Variants in LIN7A observed in about 807,000 individuals in gnomAD.
The protein encoded by LIN7A is lin-7 cell polarity scaffold A.
Under a neutral mutation model 29.8 loss-of-function variants are expected in LIN7A, and 25 were observed. The ratio of observed to expected loss-of-function variants is 0.84; its 90% CI spans 0.61 to 1.17. The LOEUF is 1.17. LIN7A is among the 50% of genes most tolerant of loss of function. LIN7A has a pLI of 0.00. For missense variants in LIN7A, 239 were observed against 287.0 expected (o/e 0.83, Z 1.21); for synonymous variants, 118 against 107.5 (o/e 1.10, Z -0.60).
chr12:80,879,645 CAAAAAAAAAAAAAA>C (rs530877505), intron 2 of LIN7A, among the ~76,000 whole-genome samples: 5 of 58,744 alleles, frequency 8.5e-5, no homozygotes, highest in Admixed American at 8.5e-4. Context: ...TGGAGCAGCC[CAAAAAAAAAAAAAA>C]AAAAAAAAAA....
Position 80,792,531 on chromosome 12 carries a change from A to C in LIN7A, c.*5196T>G, listed in dbSNP as rs953080744. On this transcript the variant is annotated 3_prime_UTR_variant, in exon 6 of 6. Coordinates refer to ENST00000552864, the MANE Select transcript of LIN7A (RefSeq NM_004664.4). ...AACAATACTTCCAGTTTGGTGTCTAATACTTTTACTTCCCAGCAGCATAAT... is the reference window on the plus strand; with the variant it reads ...AACAATACTTCCAGTTTGGTGTCTACTACTTTTACTTCCCAGCAGCATAAT... 3.9e-5 allele frequency: 6 copies of C among 152,188 alleles called. No homozygotes were observed. Among genetic ancestry groups the C allele is most frequent in the Non-Finnish European group, 8.8e-5 (6 of 68,044 alleles). 9.4% of individuals were successfully genotyped at this position (152,188 alleles called of 1,614,324 possible).
intron 2 of LIN7A, among the ~76,000 whole-genome samples, chr12:80,859,032 A>G (rs909244366): frequency 6.6e-6 from 1 of 152,196 alleles, no homozygotes; most frequent in Non-Finnish European, 1.5e-5. Context: ...AATTAAAATT[A>G]TTATAGCTAA....
intron 1 of LIN7A, among the ~76,000 whole-genome samples, chr12:80,919,055 A>G (rs1036289930): frequency 1.3e-5 from 2 of 152,222 alleles, no homozygotes; most frequent in Admixed American, 6.5e-5. Context: ...CTAGGTTTTT[A>G]TAAGTACACT....
intron 1 of LIN7A, among the ~76,000 whole-genome samples, chr12:80,933,261 C>T (rs1406301999): frequency 2.0e-5 from 3 of 152,128 alleles, no homozygotes; most frequent in Non-Finnish European, 4.4e-5. Context: ...AATTAAATTT[C>T]TACCCCAGGA....
intron 1 of LIN7A, among the ~76,000 whole-genome samples, chr12:80,912,249 G>T (rs966095577): frequency 6.6e-6 from 1 of 151,694 alleles, no homozygotes; most frequent in Middle Eastern, 3.4e-3. Context: ...AAAACACATT[G>T]TTTACCTGAA....
intron 1 of LIN7A, among the ~76,000 whole-genome samples, chr12:80,892,494 A>G (rs1388260341): frequency 1.3e-5 from 2 of 152,196 alleles, no homozygotes; most frequent in Admixed American, 6.5e-5. Context: ...ATTAGAGACT[A>G]CACTGGGTGA....
At chr12:80,933,508 T>C (rs1773681825) in intron 1 of LIN7A, among the ~76,000 whole-genome samples, 1 of 152,190 alleles carries the variant, frequency 6.6e-6, no homozygotes, top group Admixed American at 6.5e-5. Flanking sequence ...AAACAGGCCC[T>C]TCTCTGTTAT....
chr12:80,935,671 G>A, intron 1 of LIN7A: 1 of 369,858 alleles, frequency 2.7e-6, no homozygotes, highest in Non-Finnish European at 6.3e-6. Context: ...TTTATGCTCA[G>A]TGGTGATGCC....
In LIN7A at chr12:80,937,657, C is replaced by T; in HGVS notation, c.66G>A (p.Pro22=). Reference sequence around the variant, plus strand: ...CTCCCTTACCTCTGTCCAGGGTGAGCGGCTGGACCACTGTCAATGTCGCCA... The same window carrying T: ...CTCCCTTACCTCTGTCCAGGGTGAGTGGCTGGACCACTGTCAATGTCGCCA... ...ADMATLTVVQ[P]LTLDRDVARA... is the part of the protein sequence containing the mutation. Residue 22 remains proline, a synonymous_variant, in exon 1 of 6, where the codon CCG becomes CCA. Coordinates refer to ENST00000552864, the MANE Select transcript of LIN7A (RefSeq NM_004664.4). The T allele has an allele frequency of 6.4e-7, 1 of 1,562,584 alleles. No homozygotes were observed. The highest frequency in any genetic ancestry group is 8.7e-7 in the Non-Finnish European group (1 of 1,150,820).
At chr12:80,853,096 A>G (rs1222200045) in intron 2 of LIN7A, among the ~76,000 whole-genome samples, 1 of 152,196 alleles carries the variant, frequency 6.6e-6, no homozygotes, top group Admixed American at 6.6e-5. Context: ...AATTTGTTAT[A>G]ACGAAGAAAA....
intron 3 of LIN7A, 94 bp downstream of exon 3, chr12:80,848,156 CA>C (rs1873163330): frequency 1.1e-6 from 1 of 878,634 alleles, no homozygotes; most frequent in African/African-American, 1.7e-5. Flanking sequence ...AATTCTCTTA[CA>C]GTGTACACAC....
intron 4 of LIN7A, among the ~76,000 whole-genome samples, chr12:80,841,388 GAA>G (rs1214622799): frequency 2.7e-4 from 41 of 149,688 alleles, no homozygotes; most frequent in African/African-American, 8.8e-4. Flanking sequence ...AGGAAGGAAG[GAA>G]GGAAGGAAGG....
At chr12:80,891,302 A>G (rs1875612773) in intron 1 of LIN7A, among the ~76,000 whole-genome samples, 1 of 152,160 alleles carries the variant, frequency 6.6e-6, no homozygotes, top group African/African-American at 2.4e-5. Flanking sequence ...CCTGCACATC[A>G]AACCTTCCCT....
At chr12:80,921,971 C>A (rs1218024244) in intron 1 of LIN7A, among the ~76,000 whole-genome samples, 1 of 152,172 alleles carries the variant, frequency 6.6e-6, no homozygotes, top group African/African-American at 2.4e-5. Flanking sequence ...TCTCAGAATT[C>A]CTTCAGTAAT....
chr12:80,922,613 G>A (rs1877374113), intron 1 of LIN7A, among the ~76,000 whole-genome samples: 1 of 152,160 alleles, frequency 6.6e-6, no homozygotes, highest in African/African-American at 2.4e-5. Context: ...TTTAATCTGA[G>A]ATAGTTAATT....
At chr12:80,844,678 T>A (rs142138893) in intron 4 of LIN7A, among the ~76,000 whole-genome samples, 40 of 152,312 alleles carry the variant, frequency 2.6e-4, no homozygotes, top group African/African-American at 9.1e-4. Context: ...ATGTTTAATA[T>A]AAGTGGATGT....
intron 1 of LIN7A, among the ~76,000 whole-genome samples, chr12:80,918,268 A>G (rs1877122757): frequency 6.6e-6 from 1 of 151,920 alleles, no homozygotes; most frequent in African/African-American, 2.4e-5. Flanking sequence ...GCTGGTCTCA[A>G]ACTCCTGAGC....
At chr12:80,802,182 C>T (rs887959902) in intron 5 of LIN7A, among the ~76,000 whole-genome samples, 4 of 152,070 alleles carry the variant, frequency 2.6e-5, no homozygotes, top group Admixed American at 1.3e-4. Context: ...TGTGAGCCAC[C>T]GCACCTGGCC....
intron 2 of LIN7A, among the ~76,000 whole-genome samples, chr12:80,872,180 T>C (rs1244078718): frequency 6.6e-6 from 1 of 152,108 alleles, no homozygotes; most frequent in African/African-American, 2.4e-5. Context: ...AATCAACATT[T>C]TAAGTCAACT....
Sources: allele counts gnomAD v4.1 joint callset (sites outside exome capture counted in the v4.1 genomes callset), GRCh38; gene constraint gnomAD v4.1.1; transcripts MANE v1.5; gene names NCBI Gene and HGNC (gene_info 2026-07-23, HGNC 2026-07-21).